The following FAT3 variants were observed in gnomAD, a reference collection of about 807,000 sequenced individuals.
FAT3 encodes FAT atypical cadherin 3.
Under a neutral mutation model 310.2 loss-of-function variants are expected in FAT3, and 95 were observed. The observed-to-expected ratio is 0.31, with a 90% CI of 0.26 to 0.36. The LOEUF (loss-of-function observed/expected upper bound fraction) is 0.36. Among genes scored for constraint, FAT3 ranks in the 10% least tolerant of loss-of-function variants. FAT3 has a pLI of 1.00. For synonymous variants in FAT3, 2,314 were observed against 2,192.9 expected (o/e 1.06, Z -1.54); for missense variants, 5,408 against 5,715.6 (o/e 0.95, Z 1.74).
At chr11:92,616,661 A>G (rs1302232635) in intron 3 of FAT3, among the ~76,000 whole-genome samples, 2 of 152,064 alleles carry the variant, frequency 1.3e-5, no homozygotes, top group African/African-American at 4.8e-5. Flanking sequence ...AGCTCTTGTA[A>G]GGCAGGCCTG....
intron 1 of FAT3, among the ~76,000 whole-genome samples, chr11:92,233,920 A>G (rs1177028380): frequency 6.6e-6 from 1 of 152,204 alleles, no homozygotes; most frequent in East Asian, 1.9e-4. Flanking sequence ...TACATTCTGC[A>G]TATTTTTGTT....
Position 92,437,263 on chromosome 11 carries a change from A to G in FAT3, c.3292+81859A>G, listed in dbSNP as rs116549288. ...ACATCTTGTGGAATATCAGAGTTGA[A>G]TATGTTTTGGTAGTAATTTAACCCA... On this transcript the variant is annotated intron_variant, in intron 2 of 27. Coordinates refer to ENST00000525166, the MANE Select transcript of FAT3 (RefSeq NM_001367949.2). Among the ~76,000 whole-genome samples the G allele has an allele frequency of 3.8e-3, 582 of 152,314 alleles. 1 individual carries two copies. Among genetic ancestry groups the G allele is most frequent in the African/African-American group, 0.013 (531 of 41,576 alleles).
At chr11:92,634,009 T>C (rs1941660891) in intron 3 of FAT3, among the ~76,000 whole-genome samples, 1 of 152,218 alleles carries the variant, frequency 6.6e-6, no homozygotes, top group Non-Finnish European at 1.5e-5. Flanking sequence ...GATCATGGTA[T>C]GCACATAACT....
intron 1 of FAT3, among the ~76,000 whole-genome samples, chr11:92,239,153 G>C (rs1001638627): frequency 2.6e-5 from 4 of 152,022 alleles, no homozygotes; most frequent in Non-Finnish European, 5.9e-5. Flanking sequence ...ACATTGTTCA[G>C]GAGGTGTCAG....
At chr11:92,425,474 G>A (rs1185320183) in intron 2 of FAT3, among the ~76,000 whole-genome samples, 1 of 152,018 alleles carries the variant, frequency 6.6e-6, no homozygotes, top group African/African-American at 2.4e-5. Flanking sequence ...TGCCGTGGTG[G>A]TTTGCTGCAC....
chr11:92,559,244 A>G (rs575717376), intron 3 of FAT3, among the ~76,000 whole-genome samples: 49 of 152,206 alleles, frequency 3.2e-4, no homozygotes, highest in Admixed American at 2.7e-3. Context: ...CTTCACCACA[A>G]TGTATTTTAG....
intron 2 of FAT3, among the ~76,000 whole-genome samples, chr11:92,404,738 G>A (rs1368905162): frequency 6.6e-6 from 1 of 151,896 alleles, no homozygotes; most frequent in Non-Finnish European, 1.5e-5. Context: ...ATTTGATTCA[G>A]TAGACTCAGT....
chr11:92,869,225 A>C (rs1221221907), intron 22 of FAT3, among the ~76,000 whole-genome samples: 1 of 152,118 alleles, frequency 6.6e-6, no homozygotes, highest in Non-Finnish European at 1.5e-5. Flanking sequence ...CAGGCCTACT[A>C]CCTCTGTTCT....
At chr11:92,786,570 A>G (rs1362584782) in intron 7 of FAT3, among the ~76,000 whole-genome samples, 1 of 151,722 alleles carries the variant, frequency 6.6e-6, no homozygotes, top group Non-Finnish European at 1.5e-5. Context: ...CTCATCTATC[A>G]GATTGGCAAA....
intron 4 of FAT3, among the ~76,000 whole-genome samples, chr11:92,731,066 C>G (rs558205644): frequency 6.6e-6 from 1 of 152,316 alleles, no homozygotes; most frequent in African/African-American, 2.4e-5. Context: ...CAAAATGTTT[C>G]ACAATATTTG....
intron 4 of FAT3, among the ~76,000 whole-genome samples, chr11:92,739,727 CT>C (rs779366355): frequency 6.6e-6 from 1 of 152,306 alleles, no homozygotes; most frequent in East Asian, 1.9e-4. Flanking sequence ...TGAGTGTGCA[CT>C]GTGGTGTTAA....
chr11:92,825,275 C>T (rs541142835), intron 13 of FAT3, among the ~76,000 whole-genome samples: 1 of 152,196 alleles, frequency 6.6e-6, no homozygotes, highest in South Asian at 2.1e-4. Context: ...TCTCTATGTG[C>T]CAGGGTCTGT....
At chr11:92,304,968 G>T (rs1947084137) in intron 1 of FAT3, among the ~76,000 whole-genome samples, 1 of 152,146 alleles carries the variant, frequency 6.6e-6, no homozygotes, top group African/African-American at 2.4e-5. Context: ...CCAGAACAAG[G>T]ACATAAATGA....
chr11:92,826,096 C>G (rs1272810773), intron 13 of FAT3, among the ~76,000 whole-genome samples: 1 of 152,144 alleles, frequency 6.6e-6, no homozygotes, highest in Non-Finnish European at 1.5e-5. Flanking sequence ...GTCAAGCAGA[C>G]AGGTGGCACT....
In FAT3 at chr11:92,882,808, G is replaced by C. The variant is rs369315276; in HGVS notation, c.12352G>C (p.Gly4118Arg). 3 of 1,611,804 alleles carry C rather than the reference G, an allele frequency of 1.9e-6. No individual in the cohort carries two copies. The highest frequency in any genetic ancestry group is 2.5e-6 in the Non-Finnish European group (3 of 1,179,236). The change falls in exon 24 of 28, where the codon GGC (glycine) becomes CGC (arginine). Residue 4118 changes from glycine (G) to arginine (R), a missense_variant. Gly to Arg is a moderately radical substitution (Grantham distance 125). Coordinates refer to ENST00000525166, the MANE Select transcript of FAT3 (RefSeq NM_001367949.2). ...CGGAGGCTCCTGCGTGAACGTGTTCGGCTCCTTCCTCTGCAACTGCACGCC... is the reference window on the plus strand; with the variant it reads ...CGGAGGCTCCTGCGTGAACGTGTTCCGCTCCTTCCTCTGCAACTGCACGCC... The part of the protein sequence containing the change: ...ENGGSCVNVF[G>R]SFLCNCTPGY...
At chr11:92,739,857 TAAA>T (rs1192960127) in intron 4 of FAT3, among the ~76,000 whole-genome samples, 1 of 152,192 alleles carries the variant, frequency 6.6e-6, no homozygotes, top group Non-Finnish European at 1.5e-5. Context: ...CCCCACTAAA[TAAA>T]GCTCTTATGA....
rs1036470545 is a variant in FAT3 at position 92,844,444 on chromosome 11, G to T, written c.11077G>T (p.Val3693Leu). ...DSLRIISIQP[V>L]AGTNQLDMLF... ...CCTGCGCATCATCAGCATCCAGCCC[G>T]TGGCAGGCACCAACCAACTGGACAT... is the stretch of plus-strand genomic sequence containing the variant. Residue 3693 changes from valine (V) to leucine (L), a missense_variant, in exon 19 of 28, where the codon GTG (valine) becomes TTG (leucine). This residue lies in a region of FAT3 where 4,588 missense variants were observed against 4,809.8 expected (regional missense o/e 0.95). Transcript: ENST00000525166. 1.2e-6 allele frequency: 2 copies of T among 1,613,818 alleles called. No homozygotes were observed. Among genetic ancestry groups the T allele is most frequent in the Admixed American group, 3.3e-5 (2 of 60,004 alleles).
intron 2 of FAT3, among the ~76,000 whole-genome samples, chr11:92,403,673 A>G (rs907952148): frequency 2.6e-5 from 4 of 152,186 alleles, no homozygotes; most frequent in African/African-American, 9.7e-5. Context: ...GGGCGGGGGA[A>G]TGTGTAGGAC....
intron 3 of FAT3, among the ~76,000 whole-genome samples, chr11:92,578,563 G>C (rs537266529): frequency 1.2e-4 from 18 of 152,218 alleles, no homozygotes; most frequent in African/African-American, 4.3e-4. Context: ...ACACAGATCT[G>C]CCAAAAAGAT....
Sources: gnomAD v4.1 joint callset for allele counts (sites outside exome capture counted in the v4.1 genomes callset) on GRCh38, gnomAD v4.1.1 for gene constraint, gnomAD v4.1.1 regional missense constraint, MANE v1.5 for transcripts, NCBI Gene and HGNC (gene_info 2026-07-23, HGNC 2026-07-21) for gene names.